Variants in EVL observed in about 807,000 individuals in gnomAD.
EVL encodes the protein Enah/Vasp-like.
In EVL, 21 loss-of-function variants were observed where a neutral mutation model predicts 59.6. The ratio of observed to expected loss-of-function variants is 0.35; its 90% confidence interval spans 0.25 to 0.51. The LOEUF is 0.51. Ranked by LOEUF, EVL falls within the 20% of genes least tolerant of loss-of-function variation. The pLI, the probability that EVL is intolerant of heterozygous loss-of-function variation, is 0.97. For synonymous variants in EVL, 198 were observed against 203.5 expected, an observed-to-expected ratio of 0.97 and a Z score of 0.23; for missense variants, 462 against 546.6, an observed-to-expected ratio of 0.85 and a Z score of 1.54.
At chr14:100,030,764 A>G (rs992290600) in intron 1 of EVL, among the ~76,000 whole-genome samples, 1 of 152,230 alleles carries the variant, frequency 6.6e-6, no homozygotes, top group African/African-American at 2.4e-5. Context: ...CTGGGACTAC[A>G]GTGTTTTCTG....
At chr14:100,112,266 C>T (rs927659161) in intron 3 of EVL, among the ~76,000 whole-genome samples, 9 of 152,176 alleles carry the variant, frequency 5.9e-5, no homozygotes, top group Non-Finnish European at 1.0e-4. Flanking sequence ...GTTTGAGGCC[C>T]TGCCCCCTGC....
chr14:100,075,522 C>T (rs1037366028), intron 1 of EVL, among the ~76,000 whole-genome samples: 3 of 152,184 alleles, frequency 2.0e-5, no homozygotes, highest in Non-Finnish European at 2.9e-5. Flanking sequence ...CTCTAGCCCC[C>T]GACCCTTCAC....
chr14:100,063,957 A>G (rs1475711146), upstream of EVL, among the ~76,000 whole-genome samples: 1 of 152,274 alleles, frequency 6.6e-6, no homozygotes, highest in Non-Finnish European at 1.5e-5. Context: ...CAAATATTTC[A>G]AAATTTAACG....
intron 1 of EVL, among the ~76,000 whole-genome samples, chr14:100,036,248 C>T (rs946331153): frequency 4.6e-5 from 7 of 152,156 alleles, no homozygotes; most frequent in African/African-American, 1.7e-4. Context: ...CCGATCCCAC[C>T]CCAGTCCATG....
intron 3 of EVL, among the ~76,000 whole-genome samples, chr14:100,101,297 C>A (rs1411633348): frequency 6.6e-6 from 1 of 152,178 alleles, no homozygotes; most frequent in Non-Finnish European, 1.5e-5. Flanking sequence ...ACCAGCCTGA[C>A]AAACATAGGG....
chr14:100,135,603 C>T (rs192189953), intron 8 of EVL: 17 of 337,486 alleles, frequency 5.0e-5, no homozygotes, highest in East Asian at 1.3e-4. Context: ...GGGAGGCATC[C>T]GGCCCAAGGG....
intron 1 of EVL, among the ~76,000 whole-genome samples, chr14:100,072,806 G>A (rs1175781504): frequency 6.6e-6 from 1 of 152,128 alleles, no homozygotes; most frequent in African/African-American, 2.4e-5. Context: ...TAAAAAGTTG[G>A]AGTGAAAAAC....
intron 1 of EVL, among the ~76,000 whole-genome samples, chr14:100,023,015 T>C (rs1439535820): frequency 6.6e-6 from 1 of 152,094 alleles, no homozygotes; most frequent in Non-Finnish European, 1.5e-5. Flanking sequence ...ATGGTTGTGA[T>C]GATTTACTGC....
rs1253611519 is a variant in EVL, at chr14:100,127,656, G to A, written c.488-863G>A. ...ATCCTTTTCCTCCTTCCTCACACTT[G>A]CCTCCCCCCTTCACCTAACTGAACC... On this transcript the variant is annotated intron_variant, in intron 5 of 13. Transcript: ENST00000392920. The surrounding 1 kb of genome is among the most constrained non-coding windows in gnomAD (Gnocchi z 4.2). Among the ~76,000 whole-genome samples, 1 of 151,756 alleles carries A rather than the reference G, an allele frequency of 6.6e-6. No homozygotes were observed. The highest frequency in any genetic ancestry group is 6.6e-5 in the Admixed American group (1 of 15,256).
chr14:100,143,656 G>T (rs1889341016), intron 13 of EVL, 45 bp from the exon 14 acceptor site: 4 of 1,564,828 alleles, frequency 2.6e-6, no homozygotes, highest in Non-Finnish European at 3.4e-6. Flanking sequence ...GAACCGGGCT[G>T]CACTGGTCAT....
intron 1 of EVL, among the ~76,000 whole-genome samples, chr14:99,999,637 T>C (rs2060933773): frequency 6.6e-6 from 1 of 152,198 alleles, no homozygotes; most frequent in Non-Finnish European, 1.5e-5. Context: ...TCTAACACTT[T>C]TTAAAAAATT....
At position 100,137,661 on chromosome 14, in the gene EVL, A is replaced by C; in HGVS notation, c.1031+17A>C. The C allele has an allele frequency of 6.2e-7, 1 of 1,614,146 alleles. No homozygotes were observed. The highest frequency in any genetic ancestry group is 8.5e-7 in the Non-Finnish European group (1 of 1,180,008). On this transcript the variant is annotated intron_variant, in intron 10 of 13. Coordinates refer to ENST00000392920, the MANE Select transcript of EVL (RefSeq NM_016337.3). The stretch of plus-strand genomic sequence containing the variant: ...TCTGTCCAGGTGAGCTGCCCCAGGA[A>C]GGCCTGAGCAGCGAGGCTGGTGGGG...
At chr14:100,084,615 T>C in intron 1 of EVL, 72 bp from the exon 2 acceptor site, 3 of 1,537,660 alleles carry the variant, frequency 2.0e-6, no homozygotes, top group Non-Finnish European at 2.6e-6. Context: ...TTGGCCTCTA[T>C]TTCAGAAAAG....
At chr14:100,078,972 G>A (rs552448834) in intron 1 of EVL, among the ~76,000 whole-genome samples, 1 of 152,332 alleles carries the variant, frequency 6.6e-6, no homozygotes, top group African/African-American at 2.4e-5. Context: ...GAGAGAGAGT[G>A]AGGCCTTGGC....
chr14:100,067,238 G>A (rs534130754), intron 1 of EVL, among the ~76,000 whole-genome samples: 3 of 152,306 alleles, frequency 2.0e-5, no homozygotes, highest in Admixed American at 6.5e-5. Flanking sequence ...TGAACTTTTC[G>A]TTTTTCCTCA....
At chr14:99,999,025 C>T (rs2060930445) in intron 1 of EVL, among the ~76,000 whole-genome samples, 1 of 149,198 alleles carries the variant, frequency 6.7e-6, no homozygotes, top group African/African-American at 2.5e-5. Context: ...GTTTATTATA[C>T]TTTATAATTT....
At chr14:100,142,665 C>G (rs1015501083) in intron 13 of EVL, among the ~76,000 whole-genome samples, 1 of 152,184 alleles carries the variant, frequency 6.6e-6, no homozygotes, top group African/African-American at 2.4e-5. Flanking sequence ...CCTCCTCCCC[C>G]AGCCGGCCCA....
intron 3 of EVL, among the ~76,000 whole-genome samples, chr14:100,100,599 T>C (rs1886146083): frequency 6.6e-6 from 1 of 151,936 alleles, no homozygotes; most frequent in African/African-American, 2.4e-5. Context: ...TTTTTGAGCG[T>C]CATGTAAATG....
chr14:100,014,355 G>A lies in EVL; in HGVS notation c.5+42298G>A, dbSNP rs544250529. Among the ~76,000 whole-genome samples the A allele has an allele frequency of 1.4e-3, 212 of 152,144 alleles. 5 individuals are homozygous for A. The highest frequency in any genetic ancestry group is 3.4e-3 in the Middle Eastern group (1 of 294). On this transcript the variant is annotated intron_variant, in intron 1 of 13. Coordinates refer to the EVL transcript ENST00000402714. Reference sequence around the variant, plus strand: ...ACAAGTTCAATTGTTTTAATTTTTAGCTCCCAGAAATGAGTGAGAACATGT... The same window carrying A: ...ACAAGTTCAATTGTTTTAATTTTTAACTCCCAGAAATGAGTGAGAACATGT...
Sources: gnomAD v4.1 joint callset for allele counts (sites outside exome capture counted in the v4.1 genomes callset) on GRCh38, gnomAD v4.1.1 for gene constraint, Gnocchi (gnomAD v3.1) non-coding constraint, MANE v1.5 for transcripts, NCBI Gene and HGNC (gene_info 2026-07-23, HGNC 2026-07-21) for gene names.